The following USP42 variants were observed in gnomAD, a reference collection of about 807,000 sequenced individuals.
The protein encoded by USP42 is ubiquitin specific peptidase 42, also known as ubiquitin carboxyl-terminal hydrolase 42.
A neutral mutation model predicts 113.0 loss-of-function variants in USP42; 23 were observed. The observed-to-expected ratio is 0.20, with a 90% CI of 0.15 to 0.29. USP42 has a LOEUF of 0.29. USP42 is among the 10% of genes least tolerant of loss of function. The pLI, the probability that USP42 is intolerant of heterozygous loss-of-function variation, is 1.00. For missense variants in USP42, 2,174 were observed against 1,779.8 expected (o/e 1.22, Z -3.99); for synonymous variants, 933 against 699.0 (o/e 1.33, Z -5.28).
Position 6,139,379 on chromosome 7 carries a change from G to A in USP42, c.656+185G>A, listed in dbSNP as rs148226128. ...ATTTTAAAATGGTTGAAATTTACAC[G>A]TGTGTCTTACGTAACAGTTTGAGTT... On this transcript the variant is annotated intron_variant, in intron 5 of 17. Transcript: ENST00000306177. The surrounding 1 kb of genome is among the most constrained non-coding windows in gnomAD (Gnocchi z 4.5). 336 of 487,110 alleles carry A rather than the reference G, an allele frequency of 6.9e-4. No individual in the cohort carries two copies. The highest frequency in any genetic ancestry group is 2.0e-3 in the Middle Eastern group (4 of 2,026). The allele number at this position is 487,110 out of a possible 1,614,324, so 30.2% of individuals were successfully genotyped here. A position where few individuals can be genotyped will look rare whatever the true frequency, so the allele number is the denominator to read the frequency against.
rs1782765461 is a variant in USP42 at position 6,161,262 on chromosome 7, T to C, written c.*744T>C. The C allele has an allele frequency of 6.6e-6, 1 of 152,630 alleles. No homozygotes were observed. Among genetic ancestry groups the C allele is most frequent in the Non-Finnish European group, 1.5e-5 (1 of 68,036 alleles). The allele number at this position is 152,630 out of a possible 1,614,324, so 9.5% of individuals were successfully genotyped here. On this transcript the variant is annotated 3_prime_UTR_variant, in exon 18 of 18. Coordinates refer to ENST00000306177, the MANE Select transcript of USP42 (RefSeq NM_032172.3). Reference sequence around the variant, plus strand: ...CACTGATACTGGAGTCTCCGTTGTCTGCTTGGTCCCTTCGAGTTTCTAGTT... The same window carrying C: ...CACTGATACTGGAGTCTCCGTTGTCCGCTTGGTCCCTTCGAGTTTCTAGTT...
intron 14 of USP42, among the ~76,000 whole-genome samples, chr7:6,151,786 G>A (rs1464951930): frequency 6.6e-6 from 1 of 152,088 alleles, no homozygotes; most frequent in South Asian, 2.1e-4. Context: ...TGTACTAATC[G>A]TATGTGCTAG....
chr7:6,153,911 C>A lies in USP42; in HGVS notation c.2357C>A (p.Thr786Asn). 1 of 1,599,038 alleles carries A rather than the reference C, an allele frequency of 6.3e-7. No individual in the cohort carries two copies. The highest frequency in any genetic ancestry group is 8.5e-7 in the Non-Finnish European group (1 of 1,175,004). ...PPPRDPGTPATKEGAWEAMAV... is the reference protein window; with the variant it reads ...PPPRDPGTPANKEGAWEAMAV... ...CCCCGCGATCCCGGCACCCCCGCTA[C>A]CAAAGAAGGCGCCTGGGAGGCCATG... The change falls in exon 15 of 18, where the codon ACC (threonine) becomes AAC (asparagine). Residue 786 changes from threonine to asparagine, a missense_variant. Physicochemically the swap from Thr to Asn is moderately conservative, Grantham distance 65. Coordinates refer to ENST00000306177, the MANE Select transcript of USP42 (RefSeq NM_032172.3).
At chr7:6,122,515 G>A (rs1051726106) in intron 3 of USP42, among the ~76,000 whole-genome samples, 3 of 152,016 alleles carry the variant, frequency 2.0e-5, no homozygotes, top group Non-Finnish European at 1.5e-5. Context: ...CTGTTGCCAC[G>A]CTGGAGTGCA....
Position 6,147,884 on chromosome 7 carries a change from A to T in USP42, c.1378A>T (p.Met460Leu). 1.2e-6 allele frequency: 2 copies of T among 1,609,254 alleles called. No homozygotes were observed. The highest frequency in any genetic ancestry group is 2.7e-5 in the African/African-American group (2 of 74,892). The change falls in exon 12 of 18, where the codon ATG (methionine) becomes TTG (leucine). Residue 460 changes from methionine (M) to leucine (L), a missense_variant. Physicochemically the swap from Met to Leu is conservative, Grantham distance 15. Transcript: ENST00000306177. Reference sequence around the variant, plus strand: ...TATCGGACCACAGCTTCCCTCTCACATGATAAAGGTAACAGTCCTTAGGGA... The same window carrying T: ...TATCGGACCACAGCTTCCCTCTCACTTGATAAAGGTAACAGTCCTTAGGGA... ...GFIGPQLPSH[M>L]IKNPPHLNGT... is the part of the protein sequence containing the mutation.
the USP42 span, among the ~76,000 whole-genome samples, chr7:6,083,693 T>C: frequency 6.0e-5 from 9 of 150,728 alleles, no homozygotes; most frequent in Non-Finnish European, 1.0e-4. Context: ...CACACACACA[T>C]GCCCCCACAG....
intron 2 of USP42, among the ~76,000 whole-genome samples, chr7:6,113,374 C>A (rs1395007276): frequency 6.6e-6 from 1 of 152,148 alleles, no homozygotes. Flanking sequence ...TTCTCCACGG[C>A]CTTCAACCTC....
chr7:6,159,526 T>C lies in USP42; in HGVS notation c.*36+33T>C. ...GTTTTCCTGTCTGTTTCCTCATTGT[T>C]TGTGGTGGCGCTGAGGGGACGCAGG... On this transcript the variant is annotated intron_variant, in intron 17 of 17. Coordinates refer to ENST00000306177, the MANE Select transcript of USP42 (RefSeq NM_032172.3). This position sits in a 1 kb window ranked among gnomAD's most constrained non-coding sequence, Gnocchi z 4.1. The C allele has an allele frequency of 6.2e-7, 1 of 1,602,450 alleles. No homozygotes were observed. The highest frequency in any genetic ancestry group is 8.5e-7 in the Non-Finnish European group (1 of 1,169,758).
Position 6,154,317 on chromosome 7 carries a change from C to G in USP42, c.2763C>G (p.Gly921=), listed in dbSNP as rs186924738. 1 of 1,576,864 alleles carries G rather than the reference C, an allele frequency of 6.3e-7. No homozygotes were observed. The highest frequency in any genetic ancestry group is 1.1e-5 in the South Asian group (1 of 87,086). Residue 921 remains glycine (G), a synonymous_variant, in exon 15 of 18, where the codon GGC becomes GGG. Transcript: ENST00000306177. The part of the protein sequence containing the change: ...HPEGDAEPSP[G]ERVEDAAAPK... ...AAGGGGACGCTGAGCCTAGCCCCGG[C>G]GAGAGGGTCGAGGACGCCGCGGCGC...
rs1191166967 is a variant in USP42 at position 6,159,876 on chromosome 7, G to A, written c.*36+383G>A. 6.6e-6 allele frequency among the ~76,000 whole-genome samples: 1 copy of A among 152,244 alleles called. No homozygotes were observed. Among genetic ancestry groups the A allele is most frequent in the East Asian group, 1.9e-4 (1 of 5,196 alleles). Reference sequence around the variant, plus strand: ...CACAGGCACCTCACTCAGGAGAGCGGAGCCTTGCTCCCTCGTCCGTCCCGT... The same window carrying A: ...CACAGGCACCTCACTCAGGAGAGCGAAGCCTTGCTCCCTCGTCCGTCCCGT... On this transcript the variant is annotated intron_variant, in intron 17 of 17. Coordinates refer to ENST00000306177, the MANE Select transcript of USP42 (RefSeq NM_032172.3). The surrounding 1 kb of genome is among the most constrained non-coding windows in gnomAD (Gnocchi z 4.1).
At chr7:6,146,369 T>A in intron 11 of USP42, 121 bp downstream of exon 11, 1 of 703,198 alleles carries the variant, frequency 1.4e-6, no homozygotes, top group Non-Finnish European at 2.3e-6. Context: ...AGCTTAAAGA[T>A]CAACTCTAGC....
In USP42 at chr7:6,159,483, C is replaced by G. The variant is rs1782650690; in HGVS notation, c.*26C>G. On this transcript the variant is annotated 3_prime_UTR_variant, in exon 17 of 18. Transcript: ENST00000306177. This position sits in a 1 kb window ranked among gnomAD's most constrained non-coding sequence, Gnocchi z 4.1. ...AAACTCAGCCTCAAAACAAAAAATT[C>G]ACTAGTTATGGTAAGCTGTTTTCCT... 1.2e-6 allele frequency: 2 copies of G among 1,613,736 alleles called. No individual in the cohort carries two copies. The highest frequency in any genetic ancestry group is 2.2e-5 in the South Asian group (2 of 91,082).
intron 12 of USP42, 34 bp from the exon 13 acceptor site, chr7:6,149,549 G>T (rs775537415): frequency 6.4e-7 from 1 of 1,572,550 alleles, no homozygotes; most frequent in Admixed American, 1.8e-5. Flanking sequence ...CATGTTTCTG[G>T]AGCTCTGACC....
At chr7:6,142,239 C>CG (rs138967970) in intron 7 of USP42, among the ~76,000 whole-genome samples, 20,014 of 145,206 alleles carry the variant, frequency 0.14, 1,561 homozygotes, top group African/African-American at 0.21. Flanking sequence ...TTTTTTGAGA[C>CG]GGAGTCCTGC....
At chr7:6,105,315 G>T (rs983630994) in intron 1 of USP42, among the ~76,000 whole-genome samples, 1 of 147,494 alleles carries the variant, frequency 6.8e-6, no homozygotes, top group Non-Finnish European at 1.5e-5. Flanking sequence ...GCGAGGCCGG[G>T]CCCCCCTGGT....
intron 1 of USP42, among the ~76,000 whole-genome samples, chr7:6,110,420 A>G (rs1330811253): frequency 1.3e-5 from 2 of 152,214 alleles, no homozygotes; most frequent in Non-Finnish European, 2.9e-5. Flanking sequence ...AATTAGTGGT[A>G]GCCCTAATAT....
chr7:6,150,603 A>T (rs1781988802), intron 14 of USP42, 97 bp downstream of exon 14: 1 of 1,048,278 alleles, frequency 9.5e-7, no homozygotes, highest in Non-Finnish European at 1.5e-6. Context: ...GAAATTTTAT[A>T]ATGAACATTT....
intron 1 of USP42, among the ~76,000 whole-genome samples, chr7:6,106,304 C>T (rs533871649): frequency 1.2e-4 from 18 of 152,022 alleles, no homozygotes; most frequent in African/African-American, 3.9e-4. Flanking sequence ...ACGTGGATTA[C>T]ATTGTTTACG....
In USP42 at chr7:6,158,250, G is replaced by C. The variant is rs2128527625; in HGVS notation, c.3943+1195G>C. The stretch of plus-strand genomic sequence containing the variant: ...TTCGCTGTCACTGCCTGGCAGAGGT[G>C]AGTGGCTGCGGCAGGGCAGGGACCG... On this transcript the variant is annotated intron_variant, in intron 16 of 17. Transcript: ENST00000306177. This position sits in a 1 kb window ranked among gnomAD's most constrained non-coding sequence, Gnocchi z 4.2. Among the ~76,000 whole-genome samples the C allele has an allele frequency of 6.6e-6, 1 of 152,386 alleles. No homozygotes were observed. Among genetic ancestry groups the C allele is most frequent in the East Asian group, 1.9e-4 (1 of 5,182 alleles).
Sources: allele counts gnomAD v4.1 joint callset (sites outside exome capture counted in the v4.1 genomes callset), GRCh38; gene constraint gnomAD v4.1.1; non-coding constraint Gnocchi (gnomAD v3.1); transcripts MANE v1.5; gene names NCBI Gene and HGNC (gene_info 2026-07-23, HGNC 2026-07-21).